Variants in BRD4 observed in about 807,000 individuals in gnomAD.
BRD4 encodes the protein bromodomain containing 4, also known as bromodomain-containing protein 4.
A neutral mutation model predicts 142.1 loss-of-function variants in BRD4; 16 were observed. The ratio of observed to expected loss-of-function variants is 0.11; its 90% CI spans 0.08 to 0.17. The LOEUF is 0.17. BRD4 is among the 10% of genes least tolerant of loss of function. BRD4 has a pLI of 1.00. For missense variants in BRD4, 1,424 were observed against 1,810.9 expected, an observed-to-expected ratio of 0.79 and a Z score of 3.88; for synonymous variants, 833 against 707.5, an observed-to-expected ratio of 1.18 and a Z score of -2.82.
intron 1 of BRD4, among the ~76,000 whole-genome samples, chr19:15,308,156 G>T (rs1599512022): frequency 2.1e-5 from 1 of 46,610 alleles, no homozygotes; most frequent in African/African-American, 7.8e-5. Context: ...CCGGGGGGGG[G>T]GGGGGGGGTG....
At chr19:15,265,321 G>GT in intron 5 of BRD4, 33 bp downstream of exon 5, 1 of 1,468,890 alleles carries the variant, frequency 6.8e-7, no homozygotes, top group South Asian at 1.4e-5. Flanking sequence ...CTCCTCCCTG[G>GT]TGAAGCAGCC....
intron 1 of BRD4, among the ~76,000 whole-genome samples, chr19:15,282,850 C>T (rs2047715090): frequency 6.6e-6 from 1 of 152,164 alleles, no homozygotes; most frequent in East Asian, 1.9e-4. Flanking sequence ...CACACACAGT[C>T]CCAGCTCTTA....
chr19:15,310,334 A>C (rs2047956718), intron 1 of BRD4, among the ~76,000 whole-genome samples: 2 of 104,716 alleles, frequency 1.9e-5, no homozygotes, highest in African/African-American at 7.3e-5. Flanking sequence ...GGAGCATGGC[A>C]CCATGTCCGG....
intron 1 of BRD4, among the ~76,000 whole-genome samples, chr19:15,319,706 T>C (rs897295680): frequency 1.3e-5 from 2 of 152,196 alleles, no homozygotes; most frequent in East Asian, 3.9e-4. Context: ...CCTAAGCAGA[T>C]GAACTGCTTA....
Position 15,289,839 on chromosome 19 carries a change from C to T in BRD4, c.-34-16706G>A, listed in dbSNP as rs556466381. On this transcript the variant is annotated intron_variant, in intron 1 of 19. Transcript: ENST00000679869. ...GCCTCTGGGTTCTGCCCACGGGGCA[C>T]CACCCACAGCCAGGTCCCTGCCTGC... 2.6e-5 allele frequency among the ~76,000 whole-genome samples: 4 copies of T among 152,276 alleles called. No individual in the cohort carries two copies. The South Asian group carries it at 8.3e-4, about 32-fold the overall frequency.
intron 1 of BRD4, chr19:15,275,778 G>A (rs977003140): frequency 6.6e-6 from 1 of 152,172 alleles, no homozygotes; most frequent in Admixed American, 6.5e-5. Context: ...AGGCCAAGAA[G>A]GGTGGGTCAC....
intron 7 of BRD4, among the ~76,000 whole-genome samples, chr19:15,262,199 C>A (rs966778060): frequency 2.2e-4 from 33 of 152,054 alleles, no homozygotes; most frequent in Admixed American, 2.2e-3. Flanking sequence ...TGCCTGGCAC[C>A]GATCCACAGG....
chr19:15,310,613 C>T (rs966237275), intron 1 of BRD4, among the ~76,000 whole-genome samples: 17 of 151,900 alleles, frequency 1.1e-4, no homozygotes, highest in African/African-American at 3.6e-4. Context: ...CCCGCCTCGG[C>T]CTCCCAAAGT....
Position 15,244,608 on chromosome 19 carries a change from CAG to C in BRD4, c.2212-10_2212-9del, listed in dbSNP as rs762340682. 1.6e-5 allele frequency: 26 copies of C among 1,612,986 alleles called. No homozygotes were observed. The highest frequency in any genetic ancestry group is 2.2e-5 in the East Asian group (1 of 44,862). The stretch of plus-strand genomic sequence containing the variant: ...ATGGTGGTGATGATGGTGCTGCAGA[CAG>C]AGAGACAGACAGACAGACAGGCTGA... On this transcript the variant is annotated splice_polypyrimidine_tract_variant and intron_variant, in intron 12 of 19. Coordinates refer to ENST00000679869, the MANE Select transcript of BRD4 (RefSeq NM_001379291.1).
intron 11 of BRD4, among the ~76,000 whole-genome samples, chr19:15,251,086 T>C (rs935302340): frequency 1.3e-5 from 2 of 152,188 alleles, no homozygotes. Context: ...CTGCACTGCA[T>C]GCTGCTGGGG....
Position 15,264,468 on chromosome 19 carries a change from T to G in BRD4, c.1148A>C (p.Glu383Ala). The change falls in exon 6 of 20, where the codon GAG (glutamate) becomes GCG (alanine). Residue 383 changes from glutamate (E) to alanine (A), a missense_variant. Around this residue, in one of 16 missense-constraint regions of BRD4, gnomAD observed 30 missense variants for 65.2 expected, o/e 0.46. Coordinates refer to ENST00000679869, the MANE Select transcript of BRD4 (RefSeq NM_001379291.1). Reference protein sequence around the residue: ...AWPFYKPVDVEALGLHDYCDI... With the variant: ...AWPFYKPVDVAALGLHDYCDI... ...ACAGTAGTCGTGTAGGCCCAGTGCC[T>G]CCACGTCCACAGGCTTGTAGAAGGG... The G allele has an allele frequency of 6.2e-7, 1 of 1,614,096 alleles. No homozygotes were observed. Among genetic ancestry groups the G allele is most frequent in the Non-Finnish European group, 8.5e-7 (1 of 1,179,994 alleles).
At chr19:15,241,633 C>T (rs1432291742) in intron 14 of BRD4, among the ~76,000 whole-genome samples, 1 of 152,128 alleles carries the variant, frequency 6.6e-6, no homozygotes, top group African/African-American at 2.4e-5. Context: ...CGAGTGCTGG[C>T]TCTTCTAAAT....
At chr19:15,317,231 T>C (rs938262795) in intron 1 of BRD4, among the ~76,000 whole-genome samples, 4 of 152,194 alleles carry the variant, frequency 2.6e-5, no homozygotes, top group Non-Finnish European at 4.4e-5. Context: ...CCAGTGTATA[T>C]GGTTGTTTTC....
At chr19:15,257,230 A>G in intron 7 of BRD4, 57 bp from the exon 8 acceptor site, 1 of 1,498,096 alleles carries the variant, frequency 6.7e-7, no homozygotes, top group South Asian at 1.3e-5. Context: ...GCGGCCTAGC[A>G]TCACCTGCCC....
At chr19:15,307,638 G>A (rs927181649) in intron 1 of BRD4, among the ~76,000 whole-genome samples, 1 of 152,180 alleles carries the variant, frequency 6.6e-6, no homozygotes, top group Admixed American at 6.5e-5. Flanking sequence ...AAAAAAGCCT[G>A]GGCGCGGAAG....
In BRD4 at chr19:15,239,203, G is replaced by T. The variant is rs774575755; in HGVS notation, c.3638C>A (p.Pro1213His). 3 of 1,613,136 alleles carry T rather than the reference G, an allele frequency of 1.9e-6. No homozygotes were observed. The highest frequency in any genetic ancestry group is 1.7e-5 in the Admixed American group (1 of 60,022). ...GCTGGATGACTTGGCTGTGGAGGAG[G>T]GGGTGGTCGGATGCTTCTGCACTAG... ...ASLVQKHPTT[P>H]SSTAKSSSDS... Residue 1213 changes from proline to histidine, a missense_variant, in exon 18 of 20, where the codon CCC (proline) becomes CAC (histidine). By Grantham distance (77) the Pro-to-His change is moderately conservative. This residue lies in a region of BRD4 where 49 missense variants were observed against 97.3 expected (regional missense o/e 0.50). Transcript: ENST00000679869. The surrounding 1 kb of genome is among the most constrained non-coding windows in gnomAD (Gnocchi z 7.4).
intron 11 of BRD4, among the ~76,000 whole-genome samples, chr19:15,246,112 C>T (rs1052940978): frequency 1.3e-5 from 2 of 152,192 alleles, no homozygotes; most frequent in Non-Finnish European, 2.9e-5. Flanking sequence ...ACTGGGGACA[C>T]GGGGGAACCT....
At chr19:15,316,336 G>A (rs1326105678) in intron 1 of BRD4, among the ~76,000 whole-genome samples, 1 of 151,898 alleles carries the variant, frequency 6.6e-6, no homozygotes, top group Non-Finnish European at 1.5e-5. Context: ...GTAGCAAAAG[G>A]ATAAATGGAA....
intron 1 of BRD4, among the ~76,000 whole-genome samples, chr19:15,279,427 A>C (rs905843958): frequency 6.6e-6 from 1 of 152,232 alleles, no homozygotes; most frequent in Non-Finnish European, 1.5e-5. Context: ...AGTGGATGGC[A>C]GCAAGCCCTC....
Sources: allele counts gnomAD v4.1 joint callset (sites outside exome capture counted in the v4.1 genomes callset), GRCh38; gene constraint gnomAD v4.1.1; regional missense constraint gnomAD v4.1.1; non-coding constraint Gnocchi (gnomAD v3.1); transcripts MANE v1.5; gene names NCBI Gene and HGNC (gene_info 2026-07-23, HGNC 2026-07-21).